SLC22A15: variants seen among roughly 807,000 people sequenced by gnomAD.
The protein encoded by SLC22A15 is solute carrier family 22 member 15.
SLC22A15 carries 45 observed loss-of-function variants against 62.7 expected under a neutral mutation model. The observed-to-expected ratio is 0.72, with a 90% CI of 0.56 to 0.92. SLC22A15 has a LOEUF of 0.92. Among genes scored for constraint, SLC22A15 ranks in the 40% least tolerant of loss-of-function variants. The pLI, the probability that SLC22A15 is intolerant of heterozygous loss-of-function variation, is 0.00. For synonymous variants in SLC22A15, 264 were observed against 267.0 expected (o/e 0.99, Z 0.11); for missense variants, 622 against 665.6 (o/e 0.93, Z 0.72).
chr1:116,052,869 A>G (rs953188832), intron 8 of SLC22A15, among the ~76,000 whole-genome samples: 1 of 152,156 alleles, frequency 6.6e-6, no homozygotes, highest in Non-Finnish European at 1.5e-5. Context: ...AGGAAAACTA[A>G]CAAACAGAAA....
rs1658533271 is a variant in SLC22A15, at chr1:116,067,827, G to T, written c.*719G>T. The T allele has an allele frequency of 6.6e-6, 1 of 152,056 alleles. No homozygotes were observed. The highest frequency in any genetic ancestry group is 2.4e-5 in the African/African-American group (1 of 41,382). 9.4% of individuals were successfully genotyped at this position (152,056 alleles called of 1,614,324 possible). A position where few individuals can be genotyped will look rare whatever the true frequency, so the allele number is the denominator to read the frequency against. ...CTCTGGCTGCCTGTCAGCTCCCTTG[G>T]ATACTATATTGTATGATTTCTTCCT... On this transcript the variant is annotated 3_prime_UTR_variant, in exon 12 of 12. Coordinates refer to ENST00000369503, the MANE Select transcript of SLC22A15 (RefSeq NM_018420.3).
At chr1:116,004,886 A>G (rs1655901500) in intron 2 of SLC22A15, among the ~76,000 whole-genome samples, 1 of 152,026 alleles carries the variant, frequency 6.6e-6, no homozygotes, top group South Asian at 2.1e-4. Flanking sequence ...TTTGTATTGG[A>G]TGAGTTGTGG....
At chr1:116,057,500 G>A (rs1228262516) in intron 8 of SLC22A15, among the ~76,000 whole-genome samples, 8 of 152,132 alleles carry the variant, frequency 5.3e-5, no homozygotes, top group African/African-American at 1.4e-4. Flanking sequence ...TCAGTGTGGC[G>A]ATTCCTCAGG....
At chr1:116,054,473 A>T (rs1461727976) in intron 8 of SLC22A15, among the ~76,000 whole-genome samples, 2 of 152,062 alleles carry the variant, frequency 1.3e-5, no homozygotes, top group Non-Finnish European at 2.9e-5. Context: ...TTAACACCCC[A>T]CTGTCAACAT....
intron 2 of SLC22A15, chr1:116,015,286 T>C (rs534537010): frequency 6.6e-6 from 1 of 152,294 alleles, no homozygotes; most frequent in East Asian, 1.9e-4. Flanking sequence ...TGTCTTTCCA[T>C]TTTTCTGTCA....
intron 8 of SLC22A15, among the ~76,000 whole-genome samples, chr1:116,050,295 A>C (rs1351340182): frequency 1.3e-5 from 2 of 152,210 alleles, no homozygotes; most frequent in Non-Finnish European, 2.9e-5. Flanking sequence ...TAACCAAAAA[A>C]GAAAACTACA....
chr1:116,032,532 GAATAAGA>G, intron 6 of SLC22A15: 1 of 985,144 alleles, frequency 1.0e-6, no homozygotes, highest in Non-Finnish European at 1.2e-6. Context: ...AGTAGCTTTA[GAATAAGA>G]AGCTGCAAAG....
intron 1 of SLC22A15, among the ~76,000 whole-genome samples, chr1:115,979,423 T>C (rs1220870537): frequency 6.6e-6 from 1 of 152,092 alleles, no homozygotes; most frequent in Non-Finnish European, 1.5e-5. Context: ...GCCCTGAAAA[T>C]GGTGATATGT....
chr1:116,017,380 A>AAAG, intron 2 of SLC22A15: 1 of 151,914 alleles, frequency 6.6e-6, no homozygotes, highest in Admixed American at 6.6e-5. Context: ...AAAAAAAAAA[A>AAAG]AAAAGAAAAG....
At chr1:115,982,761 A>C (rs982257315) in intron 1 of SLC22A15, among the ~76,000 whole-genome samples, 3 of 152,204 alleles carry the variant, frequency 2.0e-5, no homozygotes, top group African/African-American at 7.2e-5. Context: ...TCATGGATAA[A>C]ATAGAGGTTA....
At chr1:116,058,677 A>G (rs1050672381) in intron 8 of SLC22A15, among the ~76,000 whole-genome samples, 2 of 152,228 alleles carry the variant, frequency 1.3e-5, no homozygotes, top group African/African-American at 4.8e-5. Flanking sequence ...GCATGTTTAT[A>G]GCAGCACAAA....
At chr1:116,061,408 G>A (rs550173331) in intron 8 of SLC22A15, among the ~76,000 whole-genome samples, 16 of 152,260 alleles carry the variant, frequency 1.1e-4, no homozygotes, top group Middle Eastern at 3.4e-3. Context: ...GAAATGTCAA[G>A]GAGAATGAGA....
chr1:116,005,865 T>C (rs1440062962), intron 2 of SLC22A15, among the ~76,000 whole-genome samples: 1 of 152,216 alleles, frequency 6.6e-6, no homozygotes, highest in African/African-American at 2.4e-5. Context: ...ACATAATCCA[T>C]GTATCTTGAA....
At position 116,066,516 on chromosome 1, in the gene SLC22A15, G is replaced by A. The variant is rs1412727037; in HGVS notation, c.1366-4G>A. ...TATTTTCATTCCACTCCCCGCCTCT[G>A]CAGAAATATGTGCAATGGTCTTTAC... On this transcript the variant is annotated splice_region_variant and splice_polypyrimidine_tract_variant and intron_variant, in intron 10 of 11. Coordinates refer to ENST00000369503, the MANE Select transcript of SLC22A15 (RefSeq NM_018420.3). 1 of 1,587,432 alleles carries A rather than the reference G, an allele frequency of 6.3e-7. No individual in the cohort carries two copies. Among genetic ancestry groups the A allele is most frequent in the East Asian group, 2.3e-5 (1 of 44,116 alleles).
intron 8 of SLC22A15, among the ~76,000 whole-genome samples, chr1:116,061,231 A>G (rs1474973448): frequency 2.0e-5 from 3 of 152,196 alleles, no homozygotes; most frequent in Non-Finnish European, 4.4e-5. Flanking sequence ...ATGGAAAAGT[A>G]AGCAGCCACA....
At chr1:115,981,170 G>A (rs61104381) in intron 1 of SLC22A15, among the ~76,000 whole-genome samples, 8,373 of 152,242 alleles carry the variant, frequency 0.055, 802 homozygotes, top group African/African-American at 0.19. Context: ...CCTGGCATAA[G>A]CAAGTGATGA....
chr1:116,002,667 G>T (rs2101149178), intron 2 of SLC22A15, among the ~76,000 whole-genome samples: 1 of 152,136 alleles, frequency 6.6e-6, no homozygotes, highest in African/African-American at 2.4e-5. Flanking sequence ...GGCTACCACT[G>T]ATGTTTATTC....
In SLC22A15 at chr1:116,062,748, C is replaced by CT; in HGVS notation, c.1172-12dup. 1.9e-6 allele frequency: 3 copies of CT among 1,613,668 alleles called. No homozygotes were observed. Among genetic ancestry groups the CT allele is most frequent in the Non-Finnish European group, 1.7e-6 (2 of 1,179,656 alleles). ...AACTGTGGGTCTCACAGGCATTGCC[C>CT]TTGTCCTCCTCAGACACAGGTGTGT... On this transcript the variant is annotated splice_polypyrimidine_tract_variant and intron_variant, in intron 8 of 11. Transcript: ENST00000369503.
intron 8 of SLC22A15, among the ~76,000 whole-genome samples, chr1:116,044,014 A>G (rs1463664489): frequency 6.6e-6 from 1 of 152,230 alleles, no homozygotes. Flanking sequence ...GGTAAATTCT[A>G]TGAAACGCAA....
Sources: gnomAD v4.1 joint callset for allele counts (sites outside exome capture counted in the v4.1 genomes callset) on GRCh38, gnomAD v4.1.1 for gene constraint, MANE v1.5 for transcripts, NCBI Gene and HGNC (gene_info 2026-07-23, HGNC 2026-07-21) for gene names.